THOC7: variants seen among roughly 807,000 people sequenced by gnomAD.
THOC7 encodes the protein THO complex subunit 7.
In THOC7, 22 loss-of-function variants were observed where a neutral mutation model predicts 33.1. That is an observed-to-expected ratio of 0.66 (90% CI 0.47 to 0.95). THOC7 has a LOEUF of 0.95. Among genes scored for constraint, THOC7 ranks in the 40% least tolerant of loss-of-function variants. The probability of loss-of-function intolerance (pLI) is 0.00; values close to 1 mark genes in which losing one functional copy is unlikely to be tolerated. For synonymous variants in THOC7, 77 were observed against 76.8 expected (o/e 1.00, Z -0.01); for missense variants, 184 against 245.3 (o/e 0.75, Z 1.67).
chr3:63,843,136 G>A (rs1240802894), intron 1 of THOC7, among the ~76,000 whole-genome samples: 5 of 149,740 alleles, frequency 3.3e-5, no homozygotes, highest in African/African-American at 7.4e-5. Flanking sequence ...TTGTTTGTTT[G>A]GAGACAGAGT....
intron 1 of THOC7, among the ~76,000 whole-genome samples, chr3:63,855,552 C>T (rs73122704): frequency 0.1 from 15,532 of 152,232 alleles, 978 homozygotes; most frequent in Admixed American, 0.15. Flanking sequence ...TAGCTGTGCT[C>T]TCATTTTAGC....
chr3:63,834,422 G>A (rs532205281), intron 7 of THOC7, among the ~76,000 whole-genome samples: 10 of 151,864 alleles, frequency 6.6e-5, no homozygotes, highest in Admixed American at 2.0e-4. Flanking sequence ...CACTTTGGGA[G>A]GCCAAGGCAG....
At chr3:63,849,180 A>G (rs959188626) in intron 1 of THOC7, among the ~76,000 whole-genome samples, 19 of 152,314 alleles carry the variant, frequency 1.2e-4, no homozygotes, top group African/African-American at 3.6e-4. Context: ...TGAGGTCAGG[A>G]GTTCAAGACC....
intron 2 of THOC7, 70 bp downstream of exon 2, chr3:63,839,586 C>G: frequency 7.7e-7 from 1 of 1,296,352 alleles, no homozygotes; most frequent in Non-Finnish European, 1.1e-6. Context: ...GATCTACTCA[C>G]AGGACCTTAA....
intron 1 of THOC7, among the ~76,000 whole-genome samples, chr3:63,843,265 T>A (rs748280256): frequency 2.6e-5 from 4 of 152,026 alleles, no homozygotes; most frequent in Non-Finnish European, 4.4e-5. Flanking sequence ...ATTACAGGCA[T>A]GTGCCACCAT....
intron 1 of THOC7, among the ~76,000 whole-genome samples, chr3:63,851,146 G>GT (rs1223074606): frequency 3.3e-5 from 5 of 152,164 alleles, no homozygotes; most frequent in African/African-American, 4.8e-5. Flanking sequence ...CTGGTGTACT[G>GT]TATCTTCTCA....
At chr3:63,847,876 A>T (rs1408801826) in intron 1 of THOC7, among the ~76,000 whole-genome samples, 1 of 152,244 alleles carries the variant, frequency 6.6e-6, no homozygotes, top group Non-Finnish European at 1.5e-5. Flanking sequence ...ACACCCATTC[A>T]ATAGGCCAAG....
chr3:63,837,901 C>T, intron 4 of THOC7, 75 bp downstream of exon 4: 1 of 1,355,046 alleles, frequency 7.4e-7, no homozygotes, highest in Non-Finnish European at 1.0e-6. Context: ...GATTTTACCT[C>T]ACAACATTAA....
intron 1 of THOC7, among the ~76,000 whole-genome samples, chr3:63,847,679 G>A (rs1701927448): frequency 6.6e-6 from 1 of 151,854 alleles, no homozygotes; most frequent in Non-Finnish European, 1.5e-5. Context: ...AGAGGTTGCA[G>A]TGAGCCAAGA....
chr3:63,859,723 G>A (rs1451864685), intron 1 of THOC7, among the ~76,000 whole-genome samples: 1 of 152,240 alleles, frequency 6.6e-6, no homozygotes, highest in African/African-American at 2.4e-5. Flanking sequence ...CTGCAAAGTA[G>A]CCAGGACCTC....
rs990462888 is a variant in THOC7 at position 63,834,007 on chromosome 3, C to T, written c.*125G>A. ...AGAGGAAATATGAATGAAATACATT[C>T]ATACTTAAAAACAGAGTATTTTACT... On this transcript the variant is annotated 3_prime_UTR_variant, in exon 8 of 8. Transcript: ENST00000295899. 2.4e-6 allele frequency: 2 copies of T among 818,082 alleles called. No homozygotes were observed. The highest frequency in any genetic ancestry group is 3.5e-5 in the African/African-American group (2 of 57,010). The allele number at this position is 818,082 out of a possible 1,614,324, so 50.7% of individuals were successfully genotyped here. A position where few individuals can be genotyped will look rare whatever the true frequency, so the allele number is the denominator to read the frequency against.
intron 1 of THOC7, among the ~76,000 whole-genome samples, chr3:63,853,865 G>A (rs923096978): frequency 6.7e-6 from 1 of 148,278 alleles, no homozygotes; most frequent in Non-Finnish European, 1.5e-5. Flanking sequence ...CCAAGGTCGC[G>A]CCACTGCACT....
chr3:63,852,485 C>T (rs1702038387), intron 1 of THOC7, among the ~76,000 whole-genome samples: 1 of 152,190 alleles, frequency 6.6e-6, no homozygotes, highest in Admixed American at 6.5e-5. Context: ...AAGTCCTTTC[C>T]TTCTTCTCAC....
chr3:63,843,796 A>G (rs548439814), intron 1 of THOC7, among the ~76,000 whole-genome samples: 2 of 152,122 alleles, frequency 1.3e-5, no homozygotes, highest in African/African-American at 4.8e-5. Context: ...AGCTACTCAG[A>G]AGGCTGAGGC....
chr3:63,852,516 T>G (rs1029820716), intron 1 of THOC7, among the ~76,000 whole-genome samples: 1 of 152,200 alleles, frequency 6.6e-6, no homozygotes, highest in African/African-American at 2.4e-5. Flanking sequence ...GAGAAAGCTG[T>G]GCTCTAGCAG....
chr3:63,837,307 T>A (rs1012099819), intron 4 of THOC7, among the ~76,000 whole-genome samples: 1 of 151,472 alleles, frequency 6.6e-6, no homozygotes, highest in Non-Finnish European at 1.5e-5. Flanking sequence ...TAGTTTTTCA[T>A]ATCAATGTAA....
intron 1 of THOC7, among the ~76,000 whole-genome samples, chr3:63,851,457 C>A (rs1389735393): frequency 6.6e-6 from 1 of 152,152 alleles, no homozygotes; most frequent in Non-Finnish European, 1.5e-5. Context: ...GACTAAAAAT[C>A]AAAATGGAGT....
upstream of THOC7, chr3:63,864,012 C>T (rs958319236): frequency 6.8e-6 from 1 of 148,038 alleles, no homozygotes; most frequent in Non-Finnish European, 1.5e-5. Flanking sequence ...CGGTACTCCC[C>T]GGGGGCGGCC....
At position 63,835,401 on chromosome 3, in the gene THOC7, T is replaced by C; in HGVS notation, c.411-11A>G. The C allele has an allele frequency of 6.2e-7, 1 of 1,612,536 alleles. No homozygotes were observed. Among genetic ancestry groups the C allele is most frequent in the Middle Eastern group, 1.7e-4 (1 of 5,818 alleles). ...AGAGCCTCTAGTTCCCTGGAAATAA[T>C]AAAACAGTGTTACATTTTGCTGAAT... is the stretch of plus-strand genomic sequence containing the variant. On this transcript the variant is annotated splice_polypyrimidine_tract_variant and intron_variant, in intron 5 of 7. Coordinates refer to ENST00000295899, the MANE Select transcript of THOC7 (RefSeq NM_025075.4).
Sources: gnomAD v4.1 joint callset for allele counts (sites outside exome capture counted in the v4.1 genomes callset) on GRCh38, gnomAD v4.1.1 for gene constraint, MANE v1.5 for transcripts, NCBI Gene and HGNC (gene_info 2026-07-23, HGNC 2026-07-21) for gene names.